The following BRD3 variants were observed in gnomAD, a reference collection of about 807,000 sequenced individuals.
BRD3 encodes bromodomain-containing protein 3.
In BRD3, 17 loss-of-function variants were observed where a neutral mutation model predicts 66.8. The ratio of observed to expected loss-of-function variants is 0.25; its 90% CI spans 0.17 to 0.38. The LOEUF is 0.38. Among genes scored for constraint, BRD3 ranks in the 10% least tolerant of loss-of-function variants. The pLI is 1.00. For missense variants in BRD3, 713 were observed against 956.1 expected (o/e 0.75, Z 3.35); for synonymous variants, 421 against 393.2 (o/e 1.07, Z -0.84).
At chr9:134,040,956 G>A (rs1387676460) in intron 8 of BRD3, among the ~76,000 whole-genome samples, 3 of 152,138 alleles carry the variant, frequency 2.0e-5, no homozygotes, top group South Asian at 2.1e-4. Flanking sequence ...GTGAGTCCAC[G>A]GCCTGTCCCT....
rs536837862 is a variant in BRD3, at chr9:134,032,647, C to T, written c.*943G>A. 25 of 226,614 alleles carry T rather than the reference C, an allele frequency of 1.1e-4. No individual in the cohort carries two copies. The South Asian group carries it at 3.9e-3, about 35-fold the overall frequency. The allele number at this position is 226,614 out of a possible 1,614,324, so 14.0% of individuals were successfully genotyped here. A position where few individuals can be genotyped will look rare whatever the true frequency, so the allele number is the denominator to read the frequency against. On this transcript the variant is annotated 3_prime_UTR_variant, in exon 12 of 12. Transcript: ENST00000303407. ...CGACTGTGTGAATGCATTTCTTCTG[C>T]GGTTTTTTCTTATTTTCTTTTTTTT...
intron 1 of BRD3, among the ~76,000 whole-genome samples, chr9:134,066,346 A>C (rs571026611): frequency 2.0e-5 from 3 of 152,350 alleles, no homozygotes; most frequent in Admixed American, 2.0e-4. Context: ...GAAAACGGCA[A>C]ACACAGACCT....
chr9:134,040,401 AG>A, intron 8 of BRD3, 132 bp from the exon 9 acceptor site: 1 of 1,013,266 alleles, frequency 9.9e-7, no homozygotes, highest in African/African-American at 1.6e-5. Flanking sequence ...GTGAACCAGG[AG>A]CACCTGGGCC....
Position 134,031,107 on chromosome 9 carries a change from C to G in BRD3, c.*2483G>C, listed in dbSNP as rs1843504891. 4.4e-6 allele frequency: 1 copy of G among 229,442 alleles called. No individual in the cohort carries two copies. Among genetic ancestry groups the G allele is most frequent in the Non-Finnish European group, 8.6e-6 (1 of 115,756 alleles). The allele number at this position is 229,442 out of a possible 1,614,324, so 14.2% of individuals were successfully genotyped here. A position where few individuals can be genotyped will look rare whatever the true frequency, so the allele number is the denominator to read the frequency against. ...AGAAAGCCTTAAAAAAGTGACAGCA[C>G]CAATGCAGCTGCTCAGTGTACCCGC... On this transcript the variant is annotated 3_prime_UTR_variant, in exon 12 of 12. Transcript: ENST00000303407.
At chr9:134,041,976 G>A in intron 7 of BRD3, 25 bp from the exon 8 acceptor site, 2 of 1,539,354 alleles carry the variant, frequency 1.3e-6, no homozygotes, top group Non-Finnish European at 8.8e-7. Flanking sequence ...AGGCTGCCCT[G>A]AAGACATGGG....
At chr9:134,036,549 C>T (rs756736325) in intron 9 of BRD3, 12 of 1,610,236 alleles carry the variant, frequency 7.5e-6, no homozygotes, top group African/African-American at 2.7e-5. Context: ...TTCCTCTCTA[C>T]ACCCCATAGG....
At chr9:134,051,413 C>T (rs1190707328) in intron 4 of BRD3, 149 bp downstream of exon 4, 26 of 801,262 alleles carry the variant, frequency 3.2e-5, no homozygotes, top group Non-Finnish European at 4.5e-5. Flanking sequence ...ACATCACCCA[C>T]AGGCCACACT....
chr9:134,047,397 G>A (rs532625886), intron 6 of BRD3, among the ~76,000 whole-genome samples: 1 of 152,330 alleles, frequency 6.6e-6, no homozygotes, highest in South Asian at 2.1e-4. Context: ...CCAGGAGTCT[G>A]GAAAGGTGCT....
intron 1 of BRD3, among the ~76,000 whole-genome samples, chr9:134,066,129 C>A (rs1345182322): frequency 6.6e-6 from 1 of 152,204 alleles, no homozygotes; most frequent in Non-Finnish European, 1.5e-5. Context: ...ATCCCTCCTC[C>A]CCGGATGTCC....
intron 4 of BRD3, 37 bp from the exon 5 acceptor site, chr9:134,050,625 T>A (rs752116832): frequency 1.9e-6 from 3 of 1,544,042 alleles, no homozygotes; most frequent in Admixed American, 3.4e-5. Context: ...CACACCAGGC[T>A]CCACTAGTAT....
At chr9:134,039,937 A>G (rs1830003888) in intron 9 of BRD3, 97 bp downstream of exon 9, 2 of 1,484,598 alleles carry the variant, frequency 1.3e-6, no homozygotes, top group African/African-American at 1.4e-5. Context: ...CCAGGTGGCC[A>G]AGGCACAAAG....
chr9:134,060,620 A>ACACAC (rs759183590), intron 1 of BRD3, among the ~76,000 whole-genome samples: 1 of 148,614 alleles, frequency 6.7e-6, no homozygotes, highest in Non-Finnish European at 1.5e-5. Context: ...ACACACACAC[A>ACACAC]CGATCTGGAA....
In BRD3 at chr9:134,045,553, G is replaced by A. The variant is rs965787607; in HGVS notation, c.1087-132C>T. The A allele has an allele frequency of 7.8e-5, 103 of 1,318,266 alleles. No homozygotes were observed. Among genetic ancestry groups the A allele is most frequent in the African/African-American group, 6.3e-4 (43 of 68,170 alleles). 81.7% of individuals were successfully genotyped at this position (1,318,266 alleles called of 1,614,324 possible). On this transcript the variant is annotated intron_variant, in intron 6 of 11. Coordinates refer to ENST00000303407, the MANE Select transcript of BRD3 (RefSeq NM_007371.4). This position sits in a 1 kb window ranked among gnomAD's most constrained non-coding sequence, Gnocchi z 4.8. ...CAGGGCAGTGCCTACTGGCCTGGCC[G>A]GCAGGACACCCCAGCTCTCTGGGAC...
rs1031014818 is a variant in BRD3 at position 134,067,945 on chromosome 9, T to G, written c.-114A>C. 10 of 144,974 alleles carry G rather than the reference T, an allele frequency of 6.9e-5. No homozygotes were observed. Among genetic ancestry groups the G allele is most frequent in the African/African-American group, 1.0e-4 (4 of 40,072 alleles). The allele number at this position is 144,974 out of a possible 1,614,324, so 9.0% of individuals were successfully genotyped here. A position where few individuals can be genotyped will look rare whatever the true frequency, so the allele number is the denominator to read the frequency against. The stretch of plus-strand genomic sequence containing the variant: ...GCAAGGAAGCAAGAGAAAGGCGTAC[T>G]TGGCCTCGCGGCTCCGGCGGCCGTC... On this transcript the variant is annotated splice_region_variant and 5_prime_UTR_variant, in exon 1 of 12. Transcript: ENST00000303407.
chr9:134,036,907 A>G (rs940895902), intron 9 of BRD3, among the ~76,000 whole-genome samples: 1 of 152,142 alleles, frequency 6.6e-6, no homozygotes, highest in South Asian at 2.1e-4. Context: ...GCTATGCGGG[A>G]GGCTGAGGCA....
intron 1 of BRD3, among the ~76,000 whole-genome samples, chr9:134,066,594 G>A (rs1830661832): frequency 6.6e-6 from 1 of 151,442 alleles, no homozygotes; most frequent in South Asian, 2.1e-4. Flanking sequence ...TTAAAGAAAA[G>A]AGTAAGGGGA....
rs199552098 is a variant in BRD3 at position 134,051,747 on chromosome 9, G to A, written c.352-38C>T. ...AGAGTCCAGGTCACGTGTCAGGAAA[G>A]GAGCTGTGTGCTTGCAAAGGACATT... is the stretch of plus-strand genomic sequence containing the variant. On this transcript the variant is annotated intron_variant, in intron 3 of 11. Coordinates refer to ENST00000303407, the MANE Select transcript of BRD3 (RefSeq NM_007371.4). 3.8e-6 allele frequency: 6 copies of A among 1,566,930 alleles called. No homozygotes were observed. In the Admixed American group the frequency reaches 1.1e-4, roughly 29 times the overall value.
chr9:134,059,870 A>T (rs1020192272), intron 1 of BRD3, among the ~76,000 whole-genome samples: 3 of 152,328 alleles, frequency 2.0e-5, no homozygotes, highest in African/African-American at 7.2e-5. Flanking sequence ...CAGCAGCAGC[A>T]GCCTTGTCCT....
rs1276693813 is a variant in BRD3, at chr9:134,048,070, C to T, written c.1086+13G>A. ...GACATGGGCAGAGCAGGGCCTGCCG[C>T]GCGGCCACGTACTTTCACGGTGCTG... On this transcript the variant is annotated intron_variant, in intron 6 of 11. Coordinates refer to ENST00000303407, the MANE Select transcript of BRD3 (RefSeq NM_007371.4). 30 of 1,547,356 alleles carry T rather than the reference C, an allele frequency of 1.9e-5. No individual in the cohort carries two copies. The highest frequency in any genetic ancestry group is 3.7e-5 in the Admixed American group (2 of 54,046).
Sources: gnomAD v4.1 joint callset for allele counts (sites outside exome capture counted in the v4.1 genomes callset) on GRCh38, gnomAD v4.1.1 for gene constraint, Gnocchi (gnomAD v3.1) non-coding constraint, MANE v1.5 for transcripts, NCBI Gene and HGNC (gene_info 2026-07-23, HGNC 2026-07-21) for gene names.